TMEM229B: variants seen among roughly 807,000 people sequenced by gnomAD.
TMEM229B encodes the protein transmembrane protein 229B.
In TMEM229B, 6 loss-of-function variants were observed where a neutral mutation model predicts 13.7. The observed-to-expected ratio is 0.44, with a 90% CI of 0.24 to 0.86. The LOEUF (loss-of-function observed/expected upper bound fraction) is 0.86, where lower values mean the gene tolerates loss of function less well. Among genes scored for constraint, TMEM229B ranks in the 40% least tolerant of loss-of-function variants. The pLI is 0.23. For synonymous variants in TMEM229B, 107 were observed against 102.1 expected, an observed-to-expected ratio of 1.05 and a Z score of -0.29; for missense variants, 170 against 236.0, an observed-to-expected ratio of 0.72 and a Z score of 1.83.
chr14:67,485,355 TCAAACTGAC>T (rs1438172264), intron 2 of TMEM229B, among the ~76,000 whole-genome samples: 1 of 152,218 alleles, frequency 6.6e-6, no homozygotes, highest in Non-Finnish European at 1.5e-5. Context: ...AACTCTCCAG[TCAAACTGAC>T]TTTGTAAGCC....
chr14:67,524,376 C>G (rs1369067153), intron 1 of TMEM229B, among the ~76,000 whole-genome samples: 1 of 152,164 alleles, frequency 6.6e-6, no homozygotes, highest in Non-Finnish European at 1.5e-5. Flanking sequence ...GCCCAGAACT[C>G]TAAGAATGCC....
At chr14:67,503,222 T>C (rs997291825) in intron 1 of TMEM229B, among the ~76,000 whole-genome samples, 1 of 152,164 alleles carries the variant, frequency 6.6e-6, no homozygotes, top group Non-Finnish European at 1.5e-5. Context: ...AGAAGTGGTT[T>C]TGGTTAAACA....
chr14:67,496,510 T>C (rs12892515), intron 1 of TMEM229B, among the ~76,000 whole-genome samples: 2 of 145,522 alleles, frequency 1.4e-5, no homozygotes, highest in Non-Finnish European at 3.0e-5. Context: ...TTCAATAGGG[T>C]GTGCGATGAC....
chr14:67,476,376 C>T (rs1036037118), intron 2 of TMEM229B, among the ~76,000 whole-genome samples: 1 of 152,136 alleles, frequency 6.6e-6, no homozygotes, highest in African/African-American at 2.4e-5. Flanking sequence ...CACCTGAGGT[C>T]AGGAGTTTGA....
intron 1 of TMEM229B, among the ~76,000 whole-genome samples, chr14:67,510,599 C>T (rs72719202): frequency 0.026 from 4,007 of 152,270 alleles, 77 homozygotes; most frequent in Middle Eastern, 0.1. Flanking sequence ...AATCTGGAAC[C>T]GCTGCTTGTG....
chr14:67,490,802 TC>T (rs2032139190), upstream of TMEM229B, among the ~76,000 whole-genome samples: 2 of 151,760 alleles, frequency 1.3e-5, no homozygotes, highest in East Asian at 1.9e-4. Context: ...TCCTTAACAC[TC>T]CCCAAATCTC....
At chr14:67,511,468 C>A (rs2140241725) in intron 1 of TMEM229B, among the ~76,000 whole-genome samples, 1 of 152,244 alleles carries the variant, frequency 6.6e-6, no homozygotes, top group African/African-American at 2.4e-5. Flanking sequence ...AAGATGCTGT[C>A]TCTTCTATAA....
chr14:67,505,011 C>T (rs1181853456), intron 1 of TMEM229B, among the ~76,000 whole-genome samples: 1 of 152,130 alleles, frequency 6.6e-6, no homozygotes, highest in African/African-American at 2.4e-5. Context: ...AGTTTTAAAA[C>T]ATCCAGTCAA....
intron 1 of TMEM229B, among the ~76,000 whole-genome samples, chr14:67,512,352 G>T (rs1195189908): frequency 6.6e-6 from 1 of 152,192 alleles, no homozygotes; most frequent in Non-Finnish European, 1.5e-5. Flanking sequence ...CTGGCCAATA[G>T]AGGCTGAAAT....
intron 1 of TMEM229B, among the ~76,000 whole-genome samples, chr14:67,497,889 T>A (rs1335453720): frequency 6.6e-6 from 1 of 152,094 alleles, no homozygotes; most frequent in East Asian, 1.9e-4. Context: ...TCTGACTGCA[T>A]CCTTCTGCCT....
At chr14:67,523,676 C>T (rs2033323281) in intron 1 of TMEM229B, among the ~76,000 whole-genome samples, 2 of 152,244 alleles carry the variant, frequency 1.3e-5, no homozygotes, top group African/African-American at 2.4e-5. Context: ...AGGTTAAACT[C>T]TGGCTTTGGC....
chr14:67,480,281 A>G (rs2031503417), intron 2 of TMEM229B, among the ~76,000 whole-genome samples: 1 of 151,978 alleles, frequency 6.6e-6, no homozygotes, highest in African/African-American at 2.4e-5. Flanking sequence ...GGTCTTCATC[A>G]CAACCCTGAG....
At chr14:67,515,983 AG>A (rs2033192234), upstream of TMEM229B, among the ~76,000 whole-genome samples, 1 of 152,260 alleles carries the variant, frequency 6.6e-6, no homozygotes, top group Non-Finnish European at 1.5e-5. Context: ...TATACCATAA[AG>A]GTTACAGAGA....
In TMEM229B at chr14:67,473,784, A is replaced by AC; in HGVS notation, c.139dup (p.Val47GlyfsTer65). ...GGTGCCGTAGATGAAGAGGGCCCACACGCTCGTGACCCCAGGGAACTTCCA... is the reference window on the plus strand; with the variant it reads ...GGTGCCGTAGATGAAGAGGGCCCACACCGCTCGTGACCCCAGGGAACTTCCA... On this transcript the variant is annotated frameshift_variant, in exon 3 of 3. Coordinates refer to ENST00000554480, the MANE Select transcript of TMEM229B (RefSeq NM_001348543.2). LOFTEE classifies it high-confidence loss of function. The surrounding 1 kb of genome is among the most constrained non-coding windows in gnomAD (Gnocchi z 6.5). The AC allele has an allele frequency of 6.2e-7, 1 of 1,613,970 alleles. No individual in the cohort carries two copies. Among genetic ancestry groups the AC allele is most frequent in the Non-Finnish European group, 8.5e-7 (1 of 1,179,970 alleles).
In TMEM229B at chr14:67,480,094, T is replaced by A. The variant is rs2031492185; in HGVS notation, c.-18-6153A>T. ...GCTGTTGTGAGGACGAATGAACTCG[T>A]ACATATACACTACTTAAAATACAGC... On this transcript the variant is annotated intron_variant, in intron 2 of 2. Transcript: ENST00000554480. Among the ~76,000 whole-genome samples, 4 of 152,246 alleles carry A rather than the reference T, an allele frequency of 2.6e-5. No homozygotes were observed. The South Asian group carries it at 8.3e-4, about 32-fold the overall frequency.
intron 1 of TMEM229B, among the ~76,000 whole-genome samples, chr14:67,504,763 T>C (rs1258818913): frequency 6.6e-6 from 1 of 152,046 alleles, no homozygotes; most frequent in African/African-American, 2.4e-5. Flanking sequence ...CGGGTGCCCA[T>C]AATCCCAGCT....
At chr14:67,489,989 CA>C (rs5809348), upstream of TMEM229B, among the ~76,000 whole-genome samples, 72,275 of 138,858 alleles carry the variant, frequency 0.52, 17,553 homozygotes, top group Middle Eastern at 0.58. Context: ...GACTCCGTCT[CA>C]AAAAAAAAAA....
intron 2 of TMEM229B, among the ~76,000 whole-genome samples, chr14:67,483,690 C>T (rs889817461): frequency 3.9e-5 from 6 of 152,178 alleles, no homozygotes; most frequent in African/African-American, 1.4e-4. Flanking sequence ...ATTCAAAGGC[C>T]CCTCACCAGG....
At chr14:67,509,493 G>A (rs1594713532) in intron 1 of TMEM229B, among the ~76,000 whole-genome samples, 1 of 152,056 alleles carries the variant, frequency 6.6e-6, no homozygotes, top group African/African-American at 2.4e-5. Flanking sequence ...TAATTTTTGT[G>A]TTTTTAGTAG....
Sources: gnomAD v4.1 joint callset for allele counts (sites outside exome capture counted in the v4.1 genomes callset) on GRCh38, gnomAD v4.1.1 for gene constraint, Gnocchi (gnomAD v3.1) non-coding constraint, MANE v1.5 for transcripts, NCBI Gene and HGNC (gene_info 2026-07-23, HGNC 2026-07-21) for gene names.